MRE11: variants seen among roughly 807,000 people sequenced by gnomAD.
MRE11 encodes double-strand break repair protein MRE11.
In MRE11, 62 loss-of-function variants were observed where a neutral mutation model predicts 91.7. That is an observed-to-expected ratio of 0.68 (90% CI 0.55 to 0.84). The LOEUF (loss-of-function observed/expected upper bound fraction) is 0.84. Among genes scored for constraint, MRE11 ranks in the 40% least tolerant of loss-of-function variants. The pLI is 0.00. For missense variants in MRE11, 796 were observed against 852.9 expected (o/e 0.93, Z 0.83); for synonymous variants, 273 against 271.4 (o/e 1.01, Z -0.06).
chr11:94,461,949 C>T (rs924689114), intron 11 of MRE11, among the ~76,000 whole-genome samples: 1 of 152,144 alleles, frequency 6.6e-6, no homozygotes, highest in African/African-American at 2.4e-5. Flanking sequence ...GTGACAGGTG[C>T]CTGTAGTCCC....
In MRE11 at chr11:94,460,985, G is replaced by A. The variant is rs1946399679; in HGVS notation, c.1277C>T (p.Thr426Ile). The change falls in exon 12 of 20, where the codon ACT becomes ATT. Residue 426 changes from threonine to isoleucine, a missense_variant. Physicochemically the swap from Thr to Ile is moderately conservative, Grantham distance 89. Coordinates refer to ENST00000323929, the MANE Select transcript of MRE11 (RefSeq NM_005591.4). ...TTTTACAAGATCTTCTACCCTTAAA[G>A]TTGTTCCTTCTGAAGGCTTTGTGAT... ...KLITKPSEGT[T>I]LRVEDLVKQY... 4 of 1,613,654 alleles carry A rather than the reference G, an allele frequency of 2.5e-6. No homozygotes were observed. Among genetic ancestry groups the A allele is most frequent in the Admixed American group, 3.3e-5 (2 of 59,998 alleles).
intron 4 of MRE11, among the ~76,000 whole-genome samples, chr11:94,483,543 G>GC (rs1947063397): frequency 1.3e-5 from 2 of 152,180 alleles, no homozygotes; most frequent in Non-Finnish European, 2.9e-5. Flanking sequence ...CTCTTTGCCT[G>GC]CCATCATCCA....
intron 16 of MRE11, among the ~76,000 whole-genome samples, chr11:94,445,128 T>C (rs1356952489): frequency 1.3e-5 from 2 of 152,156 alleles, no homozygotes; most frequent in East Asian, 1.9e-4. Flanking sequence ...CTTCTCTATA[T>C]GGAAAGCAGA....
chr11:94,447,878 G>A (rs766824765), intron 14 of MRE11, among the ~76,000 whole-genome samples: 1 of 151,676 alleles, frequency 6.6e-6, no homozygotes, highest in African/African-American at 2.4e-5. Flanking sequence ...TATGTGTAAA[G>A]GAGAACCTCC....
In MRE11 at chr11:94,419,219, G is replaced by C; in HGVS notation, c.*906C>G. 4.3e-6 allele frequency: 1 copy of C among 232,806 alleles called. No individual in the cohort carries two copies. The allele number at this position is 232,806 out of a possible 1,614,324, so 14.4% of individuals were successfully genotyped here. A position where few individuals can be genotyped will look rare whatever the true frequency, so the allele number is the denominator to read the frequency against. On this transcript the variant is annotated 3_prime_UTR_variant, in exon 20 of 20. Transcript: ENST00000323929. ...TTGCCCATTCAGAAATGTATCACAG[G>C]AACCAAAGTTGAGATAAAATATTGT...
chr11:94,494,976 A>G (rs1947390018), upstream of MRE11, among the ~76,000 whole-genome samples: 1 of 152,238 alleles, frequency 6.6e-6, no homozygotes, highest in Non-Finnish European at 1.5e-5. Flanking sequence ...GAGAATTAAT[A>G]AAACACAGAG....
intron 9 of MRE11, 65 bp downstream of exon 9, chr11:94,470,406 C>T (rs1034968121): frequency 2.7e-6 from 4 of 1,477,840 alleles, no homozygotes. Context: ...TATTAAATTA[C>T]TTAATTGAAG....
chr11:94,432,710 G>A (rs1368047608), intron 18 of MRE11, among the ~76,000 whole-genome samples: 3 of 152,216 alleles, frequency 2.0e-5, no homozygotes, highest in Non-Finnish European at 2.9e-5. Context: ...GGAGGCTGAG[G>A]CAGGAGAATG....
intron 14 of MRE11, among the ~76,000 whole-genome samples, chr11:94,452,104 C>T (rs1048243784): frequency 1.3e-5 from 2 of 149,610 alleles, no homozygotes; most frequent in African/African-American, 4.9e-5. Flanking sequence ...GGCTGAAGCA[C>T]GAGAATCACC....
At position 94,416,548 on chromosome 11, in the gene MRE11, A is replaced by C. The variant is rs950798629; in HGVS notation, c.*3577T>G. ...AATGATCTTAATGGTAGTTAGCTTTAAAAAAACACAAAATAGGCTGGGCGT... is the reference window on the plus strand; with the variant it reads ...AATGATCTTAATGGTAGTTAGCTTTCAAAAAACACAAAATAGGCTGGGCGT... On this transcript the variant is annotated 3_prime_UTR_variant, in exon 20 of 20. Transcript: ENST00000323929. 6.6e-6 allele frequency: 1 copy of C among 152,032 alleles called. No individual in the cohort carries two copies. Among genetic ancestry groups the C allele is most frequent in the East Asian group, 1.9e-4 (1 of 5,182 alleles). The allele number at this position is 152,032 out of a possible 1,614,324, so 9.4% of individuals were successfully genotyped here. A position where few individuals can be genotyped will look rare whatever the true frequency, so the allele number is the denominator to read the frequency against.
intron 16 of MRE11, among the ~76,000 whole-genome samples, chr11:94,439,593 C>T (rs1392393394): frequency 1.3e-5 from 2 of 152,154 alleles, no homozygotes; most frequent in Non-Finnish European, 2.9e-5. Context: ...GAAGTCAGTA[C>T]AACATTGTCA....
At chr11:94,463,794 G>T (rs918637072) in intron 11 of MRE11, among the ~76,000 whole-genome samples, 1 of 150,584 alleles carries the variant, frequency 6.6e-6, no homozygotes, top group East Asian at 2.0e-4. Context: ...GGTTGGGGGA[G>T]GGGGGAGGGA....
intron 4 of MRE11, among the ~76,000 whole-genome samples, chr11:94,481,165 C>A (rs1279196323): frequency 6.6e-6 from 1 of 151,974 alleles, no homozygotes; most frequent in Non-Finnish European, 1.5e-5. Flanking sequence ...AAAAATTAGC[C>A]GTGCATGGTG....
chr11:94,502,967 G>T, the MRE11 span, among the ~76,000 whole-genome samples: 1 of 152,136 alleles, frequency 6.6e-6, no homozygotes, highest in Non-Finnish European at 1.5e-5. Context: ...GAGCCACCAT[G>T]CTTGGCCACT....
chr11:94,439,741 G>A (rs148482698), intron 16 of MRE11, among the ~76,000 whole-genome samples: 4 of 152,256 alleles, frequency 2.6e-5, no homozygotes, highest in African/African-American at 4.8e-5. Flanking sequence ...TGAGGTGGAC[G>A]CAATCATTGT....
chr11:94,508,551 T>C, the MRE11 span, among the ~76,000 whole-genome samples: 2 of 152,172 alleles, frequency 1.3e-5, no homozygotes, highest in African/African-American at 4.8e-5. Context: ...ACACACTACA[T>C]TGCAGTGACA....
At chr11:94,479,838 A>G in intron 4 of MRE11, 77 bp from the exon 5 acceptor site, 1 of 1,159,462 alleles carries the variant, frequency 8.6e-7, no homozygotes, top group South Asian at 1.3e-5. Flanking sequence ...CCAAAATATT[A>G]ATGCAATCAT....
intron 18 of MRE11, among the ~76,000 whole-genome samples, chr11:94,434,444 G>A (rs1945546842): frequency 6.6e-6 from 1 of 151,688 alleles, no homozygotes; most frequent in Admixed American, 6.6e-5. Flanking sequence ...CTAACGTTAG[G>A]GAGAAATTGA....
intron 4 of MRE11, among the ~76,000 whole-genome samples, chr11:94,482,328 G>A (rs1173716016): frequency 1.3e-5 from 2 of 152,138 alleles, no homozygotes; most frequent in Non-Finnish European, 2.9e-5. Context: ...ACAGAACCAG[G>A]ATTTGAACTC....
Sources: gnomAD v4.1 joint callset for allele counts (sites outside exome capture counted in the v4.1 genomes callset) on GRCh38, gnomAD v4.1.1 for gene constraint, MANE v1.5 for transcripts, NCBI Gene and HGNC (gene_info 2026-07-23, HGNC 2026-07-21) for gene names.